The following GNA14 variants were observed in gnomAD, a reference collection of about 807,000 sequenced individuals.
The protein encoded by GNA14 is guanine nucleotide-binding protein subunit alpha-14.
In GNA14, 50 loss-of-function variants were observed where a neutral mutation model predicts 42.0. That is an observed-to-expected ratio of 1.19 (90% CI 0.95 to 1.51). GNA14 has a LOEUF of 1.51. GNA14 is among the 40% of genes most tolerant of loss of function. The pLI, the probability that GNA14 is intolerant of heterozygous loss-of-function variation, is 0.00. For missense variants in GNA14, 473 were observed against 446.2 expected (o/e 1.06, Z -0.54); for synonymous variants, 173 against 163.1 (o/e 1.06, Z -0.46).
At chr9:77,561,370 T>C (rs2131788769) in intron 1 of GNA14, among the ~76,000 whole-genome samples, 1 of 152,256 alleles carries the variant, frequency 6.6e-6, no homozygotes, top group East Asian at 1.9e-4. Flanking sequence ...ATAAGAAATA[T>C]TTTAAAAAAG....
intron 2 of GNA14, among the ~76,000 whole-genome samples, chr9:77,520,100 T>C (rs993693736): frequency 6.6e-6 from 1 of 151,934 alleles, no homozygotes; most frequent in African/African-American, 2.4e-5. Context: ...CTTAAATTTA[T>C]TTTTTTTAAA....
intron 1 of GNA14, among the ~76,000 whole-genome samples, chr9:77,597,856 G>C (rs191912606): frequency 9.7e-4 from 147 of 152,056 alleles, no homozygotes; most frequent in Admixed American, 9.5e-3. Context: ...GAGGTCAGGA[G>C]TTCGAGACCA....
intron 2 of GNA14, among the ~76,000 whole-genome samples, chr9:77,522,886 A>G (rs1297988484): frequency 1.3e-5 from 2 of 152,204 alleles, no homozygotes; most frequent in Admixed American, 1.3e-4. Flanking sequence ...GCATCCACTT[A>G]CCCAAGTGTA....
intron 2 of GNA14, among the ~76,000 whole-genome samples, chr9:77,448,641 A>C (rs575371069): frequency 6.6e-6 from 1 of 152,218 alleles, no homozygotes; most frequent in East Asian, 1.9e-4. Flanking sequence ...TTAAATGCAT[A>C]CAAGTAGCGT....
At chr9:77,478,337 T>C (rs1836471600) in intron 2 of GNA14, among the ~76,000 whole-genome samples, 1 of 152,284 alleles carries the variant, frequency 6.6e-6, no homozygotes, top group African/African-American at 2.4e-5. Flanking sequence ...TTCATCCATG[T>C]CCCTACAAAG....
chr9:77,460,083 A>G (rs774065052), intron 2 of GNA14, among the ~76,000 whole-genome samples: 2 of 152,082 alleles, frequency 1.3e-5, no homozygotes, highest in Non-Finnish European at 2.9e-5. Context: ...TCCAAACTCT[A>G]GTGAGCTGAA....
At chr9:77,468,745 C>T (rs76353156) in intron 2 of GNA14, among the ~76,000 whole-genome samples, 6 of 152,106 alleles carry the variant, frequency 3.9e-5, no homozygotes, top group South Asian at 2.1e-4. Flanking sequence ...AGCCTTGTGA[C>T]GATCATAAAA....
chr9:77,554,491 G>A (rs1205320651), intron 1 of GNA14, among the ~76,000 whole-genome samples: 3 of 152,050 alleles, frequency 2.0e-5, no homozygotes, highest in Non-Finnish European at 1.5e-5. Flanking sequence ...GCAAGAACAG[G>A]GATGCTGTCT....
intron 2 of GNA14, among the ~76,000 whole-genome samples, chr9:77,516,163 C>T (rs1284859338): frequency 6.6e-6 from 1 of 152,038 alleles, no homozygotes; most frequent in African/African-American, 2.4e-5. Flanking sequence ...ATCCTCGAAG[C>T]TTTGTAATAT....
chr9:77,595,819 C>T (rs1252819866), intron 1 of GNA14, among the ~76,000 whole-genome samples: 2 of 152,246 alleles, frequency 1.3e-5, no homozygotes, highest in African/African-American at 2.4e-5. Context: ...AGAGATAAGA[C>T]GCACTCAAGG....
At chr9:77,445,740 T>TA (rs1835807357) in intron 2 of GNA14, among the ~76,000 whole-genome samples, 1 of 151,960 alleles carries the variant, frequency 6.6e-6, no homozygotes, top group African/African-American at 2.4e-5. Flanking sequence ...ACCCCATCTT[T>TA]AAAAAATATA....
rs62573375 is a variant in GNA14, at chr9:77,516,523, C to G, written c.309+12546G>C. On this transcript the variant is annotated intron_variant, in intron 2 of 6. Coordinates refer to ENST00000341700, the MANE Select transcript of GNA14 (RefSeq NM_004297.4). ...AGCTGATCACTTGAGGCCAGGAGTT[C>G]GAGACCAGCCTGGCCAACATGGTGA... Among the ~76,000 whole-genome samples, 1,473 of 152,168 alleles carry G rather than the reference C, an allele frequency of 9.7e-3. 16 individuals carry two copies. Among genetic ancestry groups the G allele is most frequent in the African/African-American group, 0.032 (1,315 of 41,532 alleles).
At chr9:77,492,550 T>C (rs1180867900) in intron 2 of GNA14, among the ~76,000 whole-genome samples, 6 of 151,926 alleles carry the variant, frequency 3.9e-5, no homozygotes, top group East Asian at 1.9e-4. Flanking sequence ...CTCCAACAAA[T>C]TGGAAAACCT....
chr9:77,643,908 A>G (rs560032980), intron 1 of GNA14, among the ~76,000 whole-genome samples: 1 of 152,326 alleles, frequency 6.6e-6, no homozygotes, highest in Admixed American at 6.5e-5. Context: ...ACTCACTGCC[A>G]TCCAAAGCCC....
intron 1 of GNA14, 54 bp from the exon 2 acceptor site, chr9:77,529,307 C>A (rs533363622): frequency 4.3e-6 from 6 of 1,381,762 alleles, no homozygotes; most frequent in East Asian, 2.3e-5. Context: ...AAGGAACACA[C>A]GAAGAAACAG....
chr9:77,509,589 T>G (rs551834309), intron 2 of GNA14, among the ~76,000 whole-genome samples: 1 of 152,300 alleles, frequency 6.6e-6, no homozygotes, highest in Admixed American at 6.5e-5. Context: ...ATTTTTAAAA[T>G]TACTATATTG....
intron 5 of GNA14, among the ~76,000 whole-genome samples, chr9:77,427,514 G>T (rs1835471621): frequency 1.3e-5 from 2 of 152,204 alleles, no homozygotes. Context: ...ATCCTGGACT[G>T]AGTCCTTTAT....
chr9:77,443,918 G>T (rs1281160079), intron 2 of GNA14, among the ~76,000 whole-genome samples: 1 of 152,210 alleles, frequency 6.6e-6, no homozygotes, highest in Non-Finnish European at 1.5e-5. Context: ...GGTGTTGGAG[G>T]CTAGAGTAAG....
At chr9:77,523,801 T>A (rs1837396309) in intron 2 of GNA14, among the ~76,000 whole-genome samples, 1 of 152,116 alleles carries the variant, frequency 6.6e-6, no homozygotes, top group African/African-American at 2.4e-5. Flanking sequence ...ACTAACGTGT[T>A]TTTGAGATGT....
Sources: allele counts gnomAD v4.1 joint callset (sites outside exome capture counted in the v4.1 genomes callset), GRCh38; gene constraint gnomAD v4.1.1; transcripts MANE v1.5; gene names NCBI Gene and HGNC (gene_info 2026-07-23, HGNC 2026-07-21).